Variants in PPFIBP2 observed in about 807,000 individuals in gnomAD.
The protein encoded by PPFIBP2 is liprin-beta-2.
A neutral mutation model predicts 118.3 loss-of-function variants in PPFIBP2; 118 were observed. The observed-to-expected ratio is 1.00, with a 90% confidence interval of 0.86 to 1.16. PPFIBP2 has a LOEUF of 1.16. Among genes scored for constraint, PPFIBP2 ranks in the 50% most tolerant of loss-of-function variants. The pLI is 0.00. For missense variants in PPFIBP2, 1,195 were observed against 1,073.1 expected, an observed-to-expected ratio of 1.11 and a Z score of -1.59; for synonymous variants, 414 against 397.4, an observed-to-expected ratio of 1.04 and a Z score of -0.50.
At chr11:7,577,397 CT>C (rs1856583651) in intron 3 of PPFIBP2, 2 of 365,516 alleles carry the variant, frequency 5.5e-6, no homozygotes, top group African/African-American at 4.3e-5. Context: ...ACGGTCTGCT[CT>C]GTGTCGCTGT....
Position 7,605,648 on chromosome 11 carries a change from C to A in PPFIBP2, c.487-4643C>A, listed in dbSNP as rs932133512. 3.6e-5 allele frequency: 41 copies of A among 1,143,050 alleles called. No individual in the cohort carries two copies. In the African/African-American group the frequency reaches 5.8e-4, roughly 16 times the overall value. The allele number at this position is 1,143,050 out of a possible 1,614,324, so 70.8% of individuals were successfully genotyped here. A position where few individuals can be genotyped will look rare whatever the true frequency, so the allele number is the denominator to read the frequency against. ...TGAATACAATTGGAATGACTCACCT[C>A]AAGGTACAGAGTTGATAAGGAGAAC... On this transcript the variant is annotated intron_variant, in intron 5 of 23. Coordinates refer to ENST00000299492, the MANE Select transcript of PPFIBP2 (RefSeq NM_003621.5).
At position 7,597,582 on chromosome 11, in the gene PPFIBP2, T is replaced by C; in HGVS notation, c.395T>C (p.Val132Ala). 1 of 1,613,820 alleles carries C rather than the reference T, an allele frequency of 6.2e-7. No individual in the cohort carries two copies. Among genetic ancestry groups the C allele is most frequent in the Non-Finnish European group, 8.5e-7 (1 of 1,179,952 alleles). Residue 132 changes from valine to alanine, a missense_variant, in exon 5 of 24, where the codon GTA (valine) becomes GCA (alanine). By Grantham distance (64) the Val-to-Ala change is moderately conservative. Coordinates refer to ENST00000299492, the MANE Select transcript of PPFIBP2 (RefSeq NM_003621.5). ...ILQVSVLTDQ[V>A]EAQGEKIRDL... ...CAGGTGAGTGTCCTCACAGACCAAG[T>C]AGAAGCCCAGGGAGAAAAGATTCGA... is the stretch of plus-strand genomic sequence containing the variant.
In PPFIBP2 at chr11:7,629,455, G is replaced by A; in HGVS notation, c.889-4G>A. The A allele has an allele frequency of 6.2e-7, 1 of 1,613,806 alleles. No homozygotes were observed. Among genetic ancestry groups the A allele is most frequent in the Non-Finnish European group, 8.5e-7 (1 of 1,179,742 alleles). ...AATCTAAATCTCTACTTGCACTATG[G>A]CAGGACCGTCGGATAGAGGAGCTTA... On this transcript the variant is annotated splice_region_variant and splice_polypyrimidine_tract_variant and intron_variant, in intron 9 of 23. Coordinates refer to ENST00000299492, the MANE Select transcript of PPFIBP2 (RefSeq NM_003621.5).
At chr11:7,655,440 C>A, downstream of PPFIBP2, 1 of 1,289,816 alleles carries the variant, frequency 7.8e-7, no homozygotes, top group Non-Finnish European at 1.0e-6. Flanking sequence ...CAGATGGCAC[C>A]TTCGGAAGGT....
chr11:7,616,668 G>T lies in PPFIBP2; in HGVS notation c.619-4267G>T, dbSNP rs1230006788. Among the ~76,000 whole-genome samples the T allele has an allele frequency of 6.6e-6, 1 of 152,180 alleles. No homozygotes were observed. Among genetic ancestry groups the T allele is most frequent in the Non-Finnish European group, 1.5e-5 (1 of 68,042 alleles). ...ACATATTGTCATGGATAAGTGTGAT[G>T]TGTGCCATATGTCCCCTGTGCATAG... On this transcript the variant is annotated intron_variant, in intron 6 of 23. Transcript: ENST00000299492. This position sits in a 1 kb window ranked among gnomAD's most constrained non-coding sequence, Gnocchi z 5.2.
At chr11:7,557,145 CA>C (rs1310829209) in intron 2 of PPFIBP2, among the ~76,000 whole-genome samples, 1 of 152,142 alleles carries the variant, frequency 6.6e-6, no homozygotes, top group Non-Finnish European at 1.5e-5. Context: ...TCTCTGTTTG[CA>C]GCATTCTTCA....
chr11:7,657,585 C>T (rs188215101), downstream of PPFIBP2, among the ~76,000 whole-genome samples: 5 of 152,318 alleles, frequency 3.3e-5, no homozygotes, highest in Admixed American at 2.6e-4. Flanking sequence ...CGTGTTTCCA[C>T]CCCAACTCAC....
intron 17 of PPFIBP2, among the ~76,000 whole-genome samples, chr11:7,643,927 A>C (rs968884897): frequency 9.9e-5 from 15 of 152,206 alleles, no homozygotes; most frequent in South Asian, 6.2e-4. Flanking sequence ...TTACAGAGTT[A>C]CATTCCAGTC....
the PPFIBP2 span, among the ~76,000 whole-genome samples, chr11:7,664,543 T>G: frequency 1.3e-5 from 2 of 152,204 alleles, no homozygotes; most frequent in Non-Finnish European, 2.9e-5. Flanking sequence ...CCAACATGTC[T>G]TTGGACTTTG....
chr11:7,579,815 T>C (rs1451731928), intron 3 of PPFIBP2, among the ~76,000 whole-genome samples: 1 of 152,172 alleles, frequency 6.6e-6, no homozygotes, highest in African/African-American at 2.4e-5. Flanking sequence ...CAGATATTTT[T>C]CTTCTACTTT....
chr11:7,642,077 A>G (rs4468339), intron 16 of PPFIBP2: 83,048 of 517,080 alleles, frequency 0.16, 8,905 homozygotes, highest in East Asian at 0.5. Context: ...TTTGACTTCT[A>G]TGGCAAGTGA....
At chr11:7,576,442 G>GGGAGTGCT (rs1393701473) in intron 3 of PPFIBP2, 1 of 152,420 alleles carries the variant, frequency 6.6e-6, no homozygotes, top group African/African-American at 2.4e-5. Flanking sequence ...GTGGCATCTA[G>GGGAGTGCT]GGAGTGCTGG....
At chr11:7,550,364 C>T (rs1352051632) in intron 2 of PPFIBP2, among the ~76,000 whole-genome samples, 1 of 152,130 alleles carries the variant, frequency 6.6e-6, no homozygotes, top group Non-Finnish European at 1.5e-5. Context: ...TGTGGCTAGA[C>T]CCCAGGAAGT....
downstream of PPFIBP2, among the ~76,000 whole-genome samples, chr11:7,658,903 A>G (rs1464020158): frequency 0.039 from 2,476 of 63,492 alleles, no homozygotes; most frequent in African/African-American, 0.047. Flanking sequence ...GCCAGTGATG[A>G]TGAGCATTTT....
At chr11:7,628,819 C>G (rs1025282810) in intron 9 of PPFIBP2, among the ~76,000 whole-genome samples, 7 of 152,310 alleles carry the variant, frequency 4.6e-5, no homozygotes, top group South Asian at 2.1e-4. Context: ...TAAAGAGTGC[C>G]TGGCTGGTAT....
chr11:7,597,095 C>T (rs145921671), intron 4 of PPFIBP2: 1 of 1,265,080 alleles, frequency 7.9e-7, no homozygotes, highest in African/African-American at 1.5e-5. Flanking sequence ...TCAAAACACT[C>T]ACCTGATAGG....
intron 14 of PPFIBP2, among the ~76,000 whole-genome samples, chr11:7,639,108 C>T (rs1252393256): frequency 2.0e-5 from 3 of 152,162 alleles, no homozygotes; most frequent in Admixed American, 2.0e-4. Context: ...CCCTTCTGTA[C>T]CATAGCCGCT....
At chr11:7,559,890 T>C (rs1590238240) in intron 2 of PPFIBP2, among the ~76,000 whole-genome samples, 2 of 152,208 alleles carry the variant, frequency 1.3e-5, no homozygotes, top group East Asian at 3.9e-4. Context: ...GTACCCAAGG[T>C]TTTTACTGTC....
chr11:7,569,842 GGCA>G (rs1855452941), intron 3 of PPFIBP2, among the ~76,000 whole-genome samples: 1 of 152,152 alleles, frequency 6.6e-6, no homozygotes, highest in South Asian at 2.1e-4. Flanking sequence ...CTAGAAAAGG[GGCA>G]GCCTCCTCCT....
Sources: allele counts gnomAD v4.1 joint callset (sites outside exome capture counted in the v4.1 genomes callset), GRCh38; gene constraint gnomAD v4.1.1; non-coding constraint Gnocchi (gnomAD v3.1); transcripts MANE v1.5; gene names NCBI Gene and HGNC (gene_info 2026-07-23, HGNC 2026-07-21).